Variants in SYN2 observed in about 807,000 individuals in gnomAD.
The protein encoded by SYN2 is synapsin-2.
Under a neutral mutation model 50.9 loss-of-function variants are expected in SYN2, and 19 were observed. The observed-to-expected ratio is 0.37, with a 90% CI of 0.26 to 0.55. The LOEUF (loss-of-function observed/expected upper bound fraction) is 0.55. Ranked by LOEUF, SYN2 falls within the 20% of genes least tolerant of loss-of-function variation. SYN2 has a pLI of 0.81. For synonymous variants in SYN2, 255 were observed against 224.9 expected (o/e 1.13, Z -1.20); for missense variants, 587 against 576.4 (o/e 1.02, Z -0.19).
At chr3:12,138,467 C>A (rs997524784) in intron 1 of SYN2, among the ~76,000 whole-genome samples, 2 of 152,184 alleles carry the variant, frequency 1.3e-5, no homozygotes, top group Non-Finnish European at 2.9e-5. Flanking sequence ...TCAAAACCCA[C>A]AAAATAAATG....
intron 1 of SYN2, among the ~76,000 whole-genome samples, chr3:12,037,487 G>T (rs1050561296): frequency 2.6e-5 from 4 of 152,098 alleles, no homozygotes; most frequent in Non-Finnish European, 5.9e-5. Flanking sequence ...CAAGATCAAG[G>T]GGCTGTATCT....
chr3:12,035,293 G>C (rs1416585535), intron 1 of SYN2, among the ~76,000 whole-genome samples: 1 of 152,224 alleles, frequency 6.6e-6, no homozygotes, highest in Non-Finnish European at 1.5e-5. Context: ...CCATGCAGCA[G>C]CTCTCACAGG....
At chr3:12,186,057 G>T (rs1010684355) in intron 11 of SYN2, among the ~76,000 whole-genome samples, 2 of 152,192 alleles carry the variant, frequency 1.3e-5, no homozygotes, top group Non-Finnish European at 2.9e-5. Context: ...CTATAGTGGG[G>T]AACTGAGCGG....
intron 1 of SYN2, among the ~76,000 whole-genome samples, chr3:12,138,295 A>G (rs933872728): frequency 9.2e-5 from 14 of 152,244 alleles, no homozygotes; most frequent in Non-Finnish European, 1.6e-4. Context: ...AAGATTTCCA[A>G]CAGGACAAAT....
chr3:12,005,059 G>T (rs1020186594), intron 1 of SYN2, 131 bp downstream of exon 1: 18 of 386,984 alleles, frequency 4.7e-5, no homozygotes, highest in Non-Finnish European at 8.3e-5. Context: ...GTCCCGCTGG[G>T]AGGAGGTGCG....
chr3:12,161,884 G>A, intron 6 of SYN2, 128 bp from the exon 7 acceptor site: 1 of 1,352,038 alleles, frequency 7.4e-7, no homozygotes, highest in South Asian at 1.5e-5. Flanking sequence ...CTGGGGAGAT[G>A]TGGCACCCAG....
intron 1 of SYN2, among the ~76,000 whole-genome samples, chr3:12,109,788 TC>T (rs1333591900): frequency 2.6e-5 from 4 of 152,198 alleles, no homozygotes; most frequent in African/African-American, 9.7e-5. Flanking sequence ...ATATAAAGAC[TC>T]GGACTTGGGA....
At chr3:12,012,467 C>T (rs1302056424) in intron 1 of SYN2, among the ~76,000 whole-genome samples, 1 of 152,190 alleles carries the variant, frequency 6.6e-6, no homozygotes, top group Non-Finnish European at 1.5e-5. Flanking sequence ...AAGTTAGCTT[C>T]TTTCTTAACA....
chr3:12,145,959 C>T, intron 4 of SYN2, 124 bp downstream of exon 4: 2 of 1,347,720 alleles, frequency 1.5e-6, no homozygotes, highest in Non-Finnish European at 2.0e-6. Context: ...ATCTTCCAGG[C>T]CCCTAGGAGG....
intron 1 of SYN2, among the ~76,000 whole-genome samples, chr3:12,064,082 C>A (rs562002138): frequency 1.3e-5 from 2 of 151,832 alleles, no homozygotes; most frequent in Admixed American, 6.6e-5. Context: ...TAGTGTATAC[C>A]CTTGACATGT....
intron 1 of SYN2, chr3:12,071,188 A>C (rs1695346417): frequency 1.8e-6 from 1 of 552,002 alleles, no homozygotes. Context: ...GAAGGCAATC[A>C]CTGCCCTGGC....
intron 1 of SYN2, among the ~76,000 whole-genome samples, chr3:12,105,029 T>C (rs973251377): frequency 4.6e-5 from 7 of 152,160 alleles, no homozygotes; most frequent in Non-Finnish European, 2.9e-5. Context: ...TCTGAAGCCT[T>C]AATCATCCCT....
At chr3:12,147,738 T>C (rs1038056944) in intron 4 of SYN2, among the ~76,000 whole-genome samples, 1 of 152,114 alleles carries the variant, frequency 6.6e-6, no homozygotes, top group African/African-American at 2.4e-5. Flanking sequence ...AGTTTCTTCA[T>C]CTACAAACTG....
chr3:12,045,632 T>C (rs1450594950), intron 1 of SYN2, among the ~76,000 whole-genome samples: 1 of 152,178 alleles, frequency 6.6e-6, no homozygotes, highest in Non-Finnish European at 1.5e-5. Flanking sequence ...CAATTAATCT[T>C]CCCATATCTT....
chr3:12,100,417 A>C (rs755965283), intron 1 of SYN2, among the ~76,000 whole-genome samples: 55 of 152,216 alleles, frequency 3.6e-4, no homozygotes, highest in Non-Finnish European at 6.5e-4. Context: ...TGCTGGGGCA[A>C]CTGCATATTC....
At chr3:12,010,269 C>T (rs1366038076) in intron 1 of SYN2, among the ~76,000 whole-genome samples, 1 of 152,064 alleles carries the variant, frequency 6.6e-6, no homozygotes, top group African/African-American at 2.4e-5. Flanking sequence ...CTTTCTGTAC[C>T]CAAGTTCAGA....
chr3:12,051,113 A>C (rs1296719482), intron 1 of SYN2, among the ~76,000 whole-genome samples: 1 of 152,212 alleles, frequency 6.6e-6, no homozygotes, highest in African/African-American at 2.4e-5. Context: ...GTTGACAGAA[A>C]GTCATTAGAA....
At chr3:12,141,104 G>A (rs1574962694) in intron 2 of SYN2, among the ~76,000 whole-genome samples, 1 of 152,138 alleles carries the variant, frequency 6.6e-6, no homozygotes, top group African/African-American at 2.4e-5. Context: ...ATGCTGCCCC[G>A]AGTGATGGCT....
At chr3:12,012,557 C>A (rs1693933526) in intron 1 of SYN2, among the ~76,000 whole-genome samples, 1 of 152,216 alleles carries the variant, frequency 6.6e-6, no homozygotes, top group Non-Finnish European at 1.5e-5. Flanking sequence ...TCACTGTCCC[C>A]TCAATCCTGA....
Sources: allele counts gnomAD v4.1 joint callset (sites outside exome capture counted in the v4.1 genomes callset), GRCh38; gene constraint gnomAD v4.1.1; transcripts MANE v1.5; gene names NCBI Gene and HGNC (gene_info 2026-07-23, HGNC 2026-07-21).